The following FMN1 variants were observed in gnomAD, a reference collection of about 807,000 sequenced individuals.
FMN1 encodes formin 1, also known as formin-1.
A neutral mutation model predicts 132.4 loss-of-function variants in FMN1; 110 were observed. The ratio of observed to expected loss-of-function variants is 0.83; its 90% CI spans 0.71 to 0.97. FMN1 has a LOEUF of 0.97. Ranked by LOEUF, FMN1 falls within the 50% of genes least tolerant of loss-of-function variation. FMN1 has a pLI of 0.00. For missense variants in FMN1, 1,792 were observed against 1,705.3 expected, an observed-to-expected ratio of 1.05 and a Z score of -0.90; for synonymous variants, 722 against 651.7, an observed-to-expected ratio of 1.11 and a Z score of -1.64.
intron 7 of FMN1, among the ~76,000 whole-genome samples, chr15:32,974,099 T>C (rs769524672): frequency 3.3e-5 from 5 of 152,234 alleles, no homozygotes; most frequent in Non-Finnish European, 7.3e-5. Flanking sequence ...AATGCCTTTA[T>C]ATCCTGTTAA....
chr15:32,963,172 G>T (rs2030785852), intron 9 of FMN1, among the ~76,000 whole-genome samples: 1 of 151,068 alleles, frequency 6.6e-6, no homozygotes, highest in South Asian at 2.1e-4. Flanking sequence ...CATAAAAAAT[G>T]ATGAGTTCAC....
intron 6 of FMN1, among the ~76,000 whole-genome samples, chr15:33,023,674 A>G (rs560677572): frequency 1.1e-4 from 17 of 152,210 alleles, no homozygotes; most frequent in Non-Finnish European, 2.4e-4. Context: ...GCAAGAAAGG[A>G]TAATAGGAAA....
intron 17 of FMN1, among the ~76,000 whole-genome samples, chr15:32,842,457 G>C (rs931852076): frequency 6.6e-6 from 1 of 152,202 alleles, no homozygotes; most frequent in Non-Finnish European, 1.5e-5. Flanking sequence ...CATTGTTGTA[G>C]CCTACTAAGT....
At chr15:32,801,497 T>C (rs896206371) in intron 18 of FMN1, among the ~76,000 whole-genome samples, 1 of 152,146 alleles carries the variant, frequency 6.6e-6, no homozygotes, top group Non-Finnish European at 1.5e-5. Flanking sequence ...CCGGGCACAG[T>C]GGCTCACGCC....
chr15:33,137,925 AGCTG>A (rs1280550263), intron 4 of FMN1, among the ~76,000 whole-genome samples: 1 of 152,188 alleles, frequency 6.6e-6, no homozygotes, highest in Admixed American at 6.5e-5. Context: ...GCCTCTTATT[AGCTG>A]GGTGACATGG....
chr15:33,054,979 C>A (rs2037150273), intron 6 of FMN1, among the ~76,000 whole-genome samples: 1 of 152,168 alleles, frequency 6.6e-6, no homozygotes, highest in Non-Finnish European at 1.5e-5. Flanking sequence ...CCAACCCCTG[C>A]AACCATCTGA....
chr15:32,858,810 CCT>C (rs1188545785), intron 16 of FMN1, among the ~76,000 whole-genome samples: 2 of 152,174 alleles, frequency 1.3e-5, no homozygotes, highest in East Asian at 3.9e-4. Context: ...GCCTTTTTGT[CCT>C]CTCTACAATA....
Position 32,771,722 on chromosome 15 carries a change from G to T in FMN1, c.*2588C>A, listed in dbSNP as rs901779699. 1 of 152,186 alleles carries T rather than the reference G, an allele frequency of 6.6e-6. No individual in the cohort carries two copies. The allele number at this position is 152,186 out of a possible 1,614,324, so 9.4% of individuals were successfully genotyped here. ...TGCTTAAGCTGCCAAATGGCATCCC[G>T]ATCACCTCCTCTCCAGGAAAAGTTC... On this transcript the variant is annotated 3_prime_UTR_variant, in exon 21 of 21. Transcript: ENST00000616417.
chr15:32,792,808 C>A (rs1012951756), intron 19 of FMN1, among the ~76,000 whole-genome samples: 2 of 152,172 alleles, frequency 1.3e-5, no homozygotes, highest in African/African-American at 4.8e-5. Flanking sequence ...AGCAGTAGAC[C>A]TGACGTGTGC....
chr15:32,952,182 T>C lies in FMN1; in HGVS notation c.3138+11925A>G, dbSNP rs567600598. 4.6e-5 allele frequency among the ~76,000 whole-genome samples: 7 copies of C among 152,304 alleles called. No individual in the cohort carries two copies. In the East Asian group the frequency reaches 1.2e-3, roughly 25 times the overall value. ...CCTCCACACCCCAAGAGTATATGTATATACAACAAAAACATCATCATGGCC... is the reference window on the plus strand; with the variant it reads ...CCTCCACACCCCAAGAGTATATGTACATACAACAAAAACATCATCATGGCC... On this transcript the variant is annotated intron_variant, in intron 9 of 20. Transcript: ENST00000616417.
intron 9 of FMN1, among the ~76,000 whole-genome samples, chr15:32,945,458 A>G (rs911244215): frequency 5.3e-5 from 8 of 152,144 alleles, no homozygotes; most frequent in African/African-American, 1.9e-4. Flanking sequence ...TGTCTTGTCT[A>G]TATAATTTCT....
chr15:33,164,084 T>C (rs1222984780), intron 3 of FMN1, among the ~76,000 whole-genome samples: 1 of 146,642 alleles, frequency 6.8e-6, no homozygotes, highest in East Asian at 1.9e-4. Context: ...TGGGGAGGAA[T>C]CAGCCTTGAC....
At chr15:33,114,114 C>T (rs1487149997) in intron 4 of FMN1, among the ~76,000 whole-genome samples, 4 of 152,210 alleles carry the variant, frequency 2.6e-5, no homozygotes, top group African/African-American at 4.8e-5. Flanking sequence ...CGGTTTCCCT[C>T]TGAGCCTGTT....
In FMN1 at chr15:32,963,923, T is replaced by TCACACA. The variant is rs35753530; in HGVS notation, c.3138+178_3138+183dup. 5.4e-3 allele frequency among the ~76,000 whole-genome samples: 778 copies of TCACACA among 143,782 alleles called. 6 individuals are homozygous for TCACACA. The highest frequency in any genetic ancestry group is 9.5e-3 in the Admixed American group (135 of 14,192). The allele number at this position is 143,782 out of a possible 152,430, so 94.3% of individuals were successfully genotyped here. A position where few individuals can be genotyped will look rare whatever the true frequency, so the allele number is the denominator to read the frequency against. ...ACAGCATGTAATGAATTCCTATGAA[T>TCACACA]CACACACACACACACACACACACAG... On this transcript the variant is annotated intron_variant, in intron 9 of 20. Transcript: ENST00000616417.
intron 19 of FMN1, among the ~76,000 whole-genome samples, chr15:32,787,847 T>TA (rs533968033): frequency 0.024 from 3,505 of 148,046 alleles, 139 homozygotes; most frequent in African/African-American, 0.081. Flanking sequence ...CCTTGTCTCT[T>TA]AAAAAAAAAA....
In FMN1 at chr15:32,774,283, G is replaced by A. The variant is rs1165053712; in HGVS notation, c.*27C>T. ...ATGCGTGCAAGGTCCTCCACCTCCA[G>A]TGCCATCATTTCCATGTGTCTTCAT... On this transcript the variant is annotated 3_prime_UTR_variant, in exon 21 of 21. Coordinates refer to ENST00000616417, the MANE Select transcript of FMN1 (RefSeq NM_001277313.2). 1.3e-6 allele frequency: 2 copies of A among 1,581,744 alleles called. No homozygotes were observed. The highest frequency in any genetic ancestry group is 1.1e-5 in the South Asian group (1 of 87,430).
In FMN1 at chr15:33,154,833, C is replaced by T. The variant is rs1964607817; in HGVS notation, c.82G>A (p.Glu28Lys). The change falls in exon 4 of 21, where the codon GAA becomes AAA. Residue 28 changes from glutamate (E) to lysine (K), a missense_variant. By Grantham distance (56) the Glu-to-Lys change is moderately conservative (BLOSUM62 1). Around this residue, in one of 3 missense-constraint regions of FMN1, gnomAD observed 638 missense variants for 645.2 expected, o/e 0.99. Coordinates refer to ENST00000616417, the MANE Select transcript of FMN1 (RefSeq NM_001277313.2). ...CCCTTGTATGAAAATCCTCTGACTT[C>T]CCCCTTTGGAAGACAGAAGCTGATG... ...CYISFCLPKGEVRGFSYKGTV... is the reference protein window; with the variant it reads ...CYISFCLPKGKVRGFSYKGTV... 3 of 1,536,168 alleles carry T rather than the reference C, an allele frequency of 2.0e-6. No individual in the cohort carries two copies. The highest frequency in any genetic ancestry group is 2.6e-6 in the Non-Finnish European group (3 of 1,146,922).
At chr15:33,018,924 A>T (rs1440711719) in intron 6 of FMN1, among the ~76,000 whole-genome samples, 1 of 152,164 alleles carries the variant, frequency 6.6e-6, no homozygotes, top group Non-Finnish European at 1.5e-5. Context: ...GTGAAGCTGC[A>T]GACCTTCCTG....
intron 10 of FMN1, among the ~76,000 whole-genome samples, chr15:32,919,901 G>C (rs1388645293): frequency 6.6e-6 from 1 of 152,186 alleles, no homozygotes; most frequent in East Asian, 1.9e-4. Context: ...CTGGGTTTTA[G>C]ACTCTGAGCA....
Sources: allele counts gnomAD v4.1 joint callset (sites outside exome capture counted in the v4.1 genomes callset), GRCh38; gene constraint gnomAD v4.1.1; regional missense constraint gnomAD v4.1.1; transcripts MANE v1.5; gene names NCBI Gene and HGNC (gene_info 2026-07-23, HGNC 2026-07-21).